The following FOS variants were observed in gnomAD, a reference collection of about 807,000 sequenced individuals.
FOS encodes the protein protein c-Fos.
A neutral mutation model predicts 27.2 loss-of-function variants in FOS; 9 were observed. The observed-to-expected ratio is 0.33, with a 90% CI of 0.20 to 0.58. The LOEUF is 0.58. Ranked by LOEUF, FOS falls within the 20% of genes least tolerant of loss-of-function variation. The pLI is 0.87. For missense variants in FOS, 405 were observed against 483.5 expected (o/e 0.84, Z 1.52); for synonymous variants, 213 against 205.1 (o/e 1.04, Z -0.33).
At position 75,279,859 on chromosome 14, in the gene FOS, C is replaced by T; in HGVS notation, c.142-18C>T. 1 of 1,570,978 alleles carries T rather than the reference C, an allele frequency of 6.4e-7. No individual in the cohort carries two copies. Among genetic ancestry groups the T allele is most frequent in the Non-Finnish European group, 8.7e-7 (1 of 1,153,850 alleles). ...ACCTGCTCGCTCACGTCGGCTTTCC[C>T]CTTCTGTTTTGTTCTAGGACTTCTG... On this transcript the variant is annotated intron_variant, in intron 1 of 3. Transcript: ENST00000303562. This position sits in a 1 kb window ranked among gnomAD's most constrained non-coding sequence, Gnocchi z 5.4.
chr14:75,279,478 C>A lies in FOS; in HGVS notation c.141+355C>A. On this transcript the variant is annotated intron_variant, in intron 1 of 3. Transcript: ENST00000303562. This position sits in a 1 kb window ranked among gnomAD's most constrained non-coding sequence, Gnocchi z 5.4. ...CAGAAAGCGGCAATCCCCCCTCCCCCGGCAGCCTGGAGCACGGAGGAGGGA... is the reference window on the plus strand; with the variant it reads ...CAGAAAGCGGCAATCCCCCCTCCCCAGGCAGCCTGGAGCACGGAGGAGGGA... 2.3e-6 allele frequency: 1 copy of A among 442,582 alleles called. No individual in the cohort carries two copies. Among genetic ancestry groups the A allele is most frequent in the Non-Finnish European group, 4.1e-6 (1 of 246,570 alleles). 27.4% of individuals were successfully genotyped at this position (442,582 alleles called of 1,614,324 possible). A position where few individuals can be genotyped will look rare whatever the true frequency, so the allele number is the denominator to read the frequency against.
rs892119373 is a variant in FOS, at chr14:75,279,254, G to C, written c.141+131G>C. On this transcript the variant is annotated intron_variant, in intron 1 of 3. Coordinates refer to ENST00000303562, the MANE Select transcript of FOS (RefSeq NM_005252.4). The surrounding 1 kb of genome is among the most constrained non-coding windows in gnomAD (Gnocchi z 5.4). ...GGAGGGAGGCTGCCGTGGCCGGAGC[G>C]GTGCCGGCTCGGGGGCTCGGGACTT... The C allele has an allele frequency of 7.9e-7, 1 of 1,262,728 alleles. No homozygotes were observed. Among genetic ancestry groups the C allele is most frequent in the Non-Finnish European group, 1.1e-6 (1 of 908,520 alleles). The allele number at this position is 1,262,728 out of a possible 1,614,324, so 78.2% of individuals were successfully genotyped here. A position where few individuals can be genotyped will look rare whatever the true frequency, so the allele number is the denominator to read the frequency against.
chr14:75,280,320 TAGTTTCTTCCCTA>T (rs1414105640), intron 2 of FOS, 192 bp downstream of exon 2: 3 of 753,506 alleles, frequency 4.0e-6, no homozygotes, highest in Non-Finnish European at 6.6e-6. Flanking sequence ...AGTACTCTCA[TAGTTTCTTCCCTA>T]AGTTTCTTAC....
In FOS at chr14:75,280,093, G is replaced by T. The variant is rs774924017; in HGVS notation, c.358G>T (p.Ala120Ser). 3.7e-6 allele frequency: 6 copies of T among 1,613,986 alleles called. No individual in the cohort carries two copies. The Admixed American group carries it at 8.3e-5, about 22-fold the overall frequency. The change falls in exon 2 of 4, where the codon GCG becomes TCG. Residue 120 changes from alanine (A) to serine (S), a missense_variant. Transcript: ENST00000303562. ...GVVKTMTGGRAQSIGRRGKVE... is the reference protein window; with the variant it reads ...GVVKTMTGGRSQSIGRRGKVE... ...TGTGAAGACCATGACAGGAGGCCGA[G>T]CGCAGAGCATTGGCAGGAGGGGCAA...
chr14:75,281,375 A>G lies in FOS; in HGVS notation c.1094A>G (p.Asn365Ser), dbSNP rs1566701002. The G allele has an allele frequency of 1.9e-6, 3 of 1,611,838 alleles. No homozygotes were observed. Among genetic ancestry groups the G allele is most frequent in the South Asian group, 1.1e-5 (1 of 91,090 alleles). ...GCCCACCGCAAGGGCAGCAGCAGCAATGAGCCTTCCTCTGACTCGCTCAGC... is the reference window on the plus strand; with the variant it reads ...GCCCACCGCAAGGGCAGCAGCAGCAGTGAGCCTTCCTCTGACTCGCTCAGC... ...AAAHRKGSSS[N>S]EPSSDSLSSP... Residue 365 changes from asparagine (N) to serine (S), a missense_variant, in exon 4 of 4, where the codon AAT (asparagine) becomes AGT (serine). Coordinates refer to ENST00000303562, the MANE Select transcript of FOS (RefSeq NM_005252.4). The surrounding 1 kb of genome is among the most constrained non-coding windows in gnomAD (Gnocchi z 4.7).
chr14:75,281,233 A>C lies in FOS; in HGVS notation c.952A>C (p.Thr318Pro). Residue 318 changes from threonine (T) to proline (P), a missense_variant, in exon 4 of 4, where the codon ACA becomes CCA. By Grantham distance (38) the Thr-to-Pro change is conservative (BLOSUM62 -1). Transcript: ENST00000303562. This position sits in a 1 kb window ranked among gnomAD's most constrained non-coding sequence, Gnocchi z 4.7. ...SGSLGMGPMATELEPLCTPVV... is the reference protein window; with the variant it reads ...SGSLGMGPMAPELEPLCTPVV... The stretch of plus-strand genomic sequence containing the variant: ...CTCCCTGGGGATGGGGCCCATGGCC[A>C]CAGAGCTGGAGCCCCTGTGCACTCC... The C allele has an allele frequency of 6.2e-7, 1 of 1,612,718 alleles. No homozygotes were observed. Among genetic ancestry groups the C allele is most frequent in the South Asian group, 1.1e-5 (1 of 91,088 alleles).
Position 75,281,019 on chromosome 14 carries a change from C to T in FOS, c.738C>T (p.Asp246=). ...EEAFTLPLLN[D]PEPKPSVEPV... is the part of the protein sequence containing the mutation. ...CCTTCACCCTGCCTCTCCTCAATGACCCTGAGCCCAAGCCCTCAGTGGAAC... is the reference window on the plus strand; with the variant it reads ...CCTTCACCCTGCCTCTCCTCAATGATCCTGAGCCCAAGCCCTCAGTGGAAC... The change falls in exon 4 of 4, where the codon GAC becomes GAT. Residue 246 remains aspartate (D), a synonymous_variant. Transcript: ENST00000303562. This position sits in a 1 kb window ranked among gnomAD's most constrained non-coding sequence, Gnocchi z 4.7. 1.2e-6 allele frequency: 2 copies of T among 1,614,024 alleles called. No individual in the cohort carries two copies. The highest frequency in any genetic ancestry group is 1.6e-4 in the Middle Eastern group (1 of 6,062).
At chr14:75,280,246 T>C (rs773774238) in intron 2 of FOS, 118 bp downstream of exon 2, 7 of 1,389,264 alleles carry the variant, frequency 5.0e-6, no homozygotes, top group Non-Finnish European at 7.1e-6. Context: ...TGCACATCCG[T>C]AACTGGGAGC....
rs1339651618 is a variant in FOS, at chr14:75,278,935, C to T, written c.-48C>T. On this transcript the variant is annotated 5_prime_UTR_variant, in exon 1 of 4. Transcript: ENST00000303562. The surrounding 1 kb of genome is among the most constrained non-coding windows in gnomAD (Gnocchi z 4.1). ...ACCCAGCTCTGCTCCACAGCGCCCACCTGTCTCCGCCCCTCGGCCCCTCGC... is the reference window on the plus strand; with the variant it reads ...ACCCAGCTCTGCTCCACAGCGCCCATCTGTCTCCGCCCCTCGGCCCCTCGC... 2 of 1,609,730 alleles carry T rather than the reference C, an allele frequency of 1.2e-6. No homozygotes were observed. Among genetic ancestry groups the T allele is most frequent in the Non-Finnish European group, 1.7e-6 (2 of 1,178,562 alleles).
intron 2 of FOS, 200 bp downstream of exon 2, chr14:75,280,328 T>TAG: frequency 1.4e-6 from 1 of 731,068 alleles, no homozygotes; most frequent in Non-Finnish European, 2.3e-6. Context: ...CATAGTTTCT[T>TAG]CCCTAAGTTT....
chr14:75,280,619 A>T lies in FOS; in HGVS notation c.453A>T (p.Ala151=), dbSNP rs376167971. The change falls in exon 3 of 4, where the codon GCA becomes GCT. Residue 151 remains alanine, a synonymous_variant. Transcript: ENST00000303562. Reference sequence around the variant, plus strand: ...GAAGGGAAAGGAATAAGATGGCTGCAGCCAAATGCCGCAACCGGAGGAGGG... The same window carrying T: ...GAAGGGAAAGGAATAAGATGGCTGCTGCCAAATGCCGCAACCGGAGGAGGG... ...RIRRERNKMA[A]AKCRNRRREL... is the part of the protein sequence containing the mutation. The T allele has an allele frequency of 9.4e-5, 152 of 1,614,076 alleles. No individual in the cohort carries two copies. Among genetic ancestry groups the T allele is most frequent in the Non-Finnish European group, 1.2e-4 (144 of 1,180,010 alleles).
chr14:75,279,069 C>T lies in FOS; in HGVS notation c.87C>T (p.Tyr29=), dbSNP rs1332061712. 2 of 1,613,636 alleles carry T rather than the reference C, an allele frequency of 1.2e-6. No homozygotes were observed. Among genetic ancestry groups the T allele is most frequent in the African/African-American group, 1.3e-5 (1 of 74,934 alleles). ...SASPAGDSLS[Y]YHSPADSFSS... Reference sequence around the variant, plus strand: ...CCCCGGCCGGGGATAGCCTCTCTTACTACCACTCACCCGCAGACTCCTTCT... The same window carrying T: ...CCCCGGCCGGGGATAGCCTCTCTTATTACCACTCACCCGCAGACTCCTTCT... Residue 29 remains tyrosine (Y), a synonymous_variant, in exon 1 of 4, where the codon TAC becomes TAT. Coordinates refer to ENST00000303562, the MANE Select transcript of FOS (RefSeq NM_005252.4). The surrounding 1 kb of genome is among the most constrained non-coding windows in gnomAD (Gnocchi z 5.4).
chr14:75,279,831 G>T lies in FOS; in HGVS notation c.142-46G>T. ...CTGGGAACTCGCCCCACCTGTGTCC[G>T]GAACCTGCTCGCTCACGTCGGCTTT... On this transcript the variant is annotated intron_variant, in intron 1 of 3. Transcript: ENST00000303562. This position sits in a 1 kb window ranked among gnomAD's most constrained non-coding sequence, Gnocchi z 5.4. The T allele has an allele frequency of 6.5e-7, 1 of 1,548,464 alleles. No individual in the cohort carries two copies. The highest frequency in any genetic ancestry group is 8.7e-7 in the Non-Finnish European group (1 of 1,143,716).
At position 75,281,256 on chromosome 14, in the gene FOS, T is replaced by G. The variant is rs765621748; in HGVS notation, c.975T>G (p.Thr325=). The change falls in exon 4 of 4, where the codon ACT becomes ACG. Residue 325 remains threonine (T), a synonymous_variant. Coordinates refer to ENST00000303562, the MANE Select transcript of FOS (RefSeq NM_005252.4). The surrounding 1 kb of genome is among the most constrained non-coding windows in gnomAD (Gnocchi z 4.7). ...PMATELEPLC[T]PVVTCTPSCT... ...CCACAGAGCTGGAGCCCCTGTGCAC[T>G]CCGGTGGTCACCTGTACTCCCAGCT... 9 of 1,612,092 alleles carry G rather than the reference T, an allele frequency of 5.6e-6. No homozygotes were observed. In the Admixed American group the frequency reaches 1.3e-4, roughly 24 times the overall value.
rs1063169 is a variant in FOS, at chr14:75,280,415, G to T, written c.394-145G>T. Reference sequence around the variant, plus strand: ...TTATTTTAAATGCAAGTCACACCTAGTCTGCAACTGCAGGTCAGAAATGGT... The same window carrying T: ...TTATTTTAAATGCAAGTCACACCTATTCTGCAACTGCAGGTCAGAAATGGT... On this transcript the variant is annotated intron_variant, in intron 2 of 3. Transcript: ENST00000303562. The T allele has an allele frequency of 0.15, 105,160 of 709,386 alleles. 8,808 individuals are homozygous for T. Among genetic ancestry groups the T allele is most frequent in the East Asian group, 0.25 (9,286 of 36,996 alleles). 43.9% of individuals were successfully genotyped at this position (709,386 alleles called of 1,614,324 possible).
In FOS at chr14:75,281,319, C is replaced by T. The variant is rs200095017; in HGVS notation, c.1038C>T (p.Pro346=). Residue 346 remains proline (P), a synonymous_variant, in exon 4 of 4, where the codon CCC becomes CCT. Transcript: ENST00000303562. The surrounding 1 kb of genome is among the most constrained non-coding windows in gnomAD (Gnocchi z 4.7). ...AYTSSFVFTY[P]EADSFPSCAA... is the part of the protein sequence containing the mutation. ...CGTCTTCCTTCGTCTTCACCTACCC[C>T]GAGGCTGACTCCTTCCCCAGCTGTG... The T allele has an allele frequency of 1.9e-5, 31 of 1,609,602 alleles. No homozygotes were observed. The highest frequency in any genetic ancestry group is 1.0e-4 in the Admixed American group (6 of 60,004).
chr14:75,280,372 G>A, intron 2 of FOS, 188 bp from the exon 3 acceptor site: 1 of 681,604 alleles, frequency 1.5e-6, no homozygotes, highest in Non-Finnish European at 2.5e-6. Context: ...GCTCTTCTTT[G>A]TTCTCTTGCT....
chr14:75,281,157 G>T lies in FOS; in HGVS notation c.876G>T (p.Met292Ile). The change falls in exon 4 of 4, where the codon ATG becomes ATT. Residue 292 changes from methionine to isoleucine, a missense_variant. Physicochemically the swap from Met to Ile is conservative, Grantham distance 10. Transcript: ENST00000303562. This position sits in a 1 kb window ranked among gnomAD's most constrained non-coding sequence, Gnocchi z 4.7. ...AGACAGCCCGCTCCGTGCCAGACAT[G>T]GACCTATCTGGGTCCTTCTATGCAG... ...GSETARSVPD[M>I]DLSGSFYAAD... is the part of the protein sequence containing the mutation. 6.2e-7 allele frequency: 1 copy of T among 1,610,966 alleles called. No individual in the cohort carries two copies.
chr14:75,281,516 G>T lies in FOS; in HGVS notation c.*92G>T. 7.2e-7 allele frequency: 1 copy of T among 1,382,492 alleles called. No individual in the cohort carries two copies. The highest frequency in any genetic ancestry group is 9.8e-7 in the Non-Finnish European group (1 of 1,022,148). 85.6% of individuals were successfully genotyped at this position (1,382,492 alleles called of 1,614,324 possible). A position where few individuals can be genotyped will look rare whatever the true frequency, so the allele number is the denominator to read the frequency against. Reference sequence around the variant, plus strand: ...AGGAGAAACACATCTTCCCTAGAGGGTTCCTGTAGACCTAGGGAGGACCTT... The same window carrying T: ...AGGAGAAACACATCTTCCCTAGAGGTTTCCTGTAGACCTAGGGAGGACCTT... On this transcript the variant is annotated 3_prime_UTR_variant, in exon 4 of 4. Coordinates refer to ENST00000303562, the MANE Select transcript of FOS (RefSeq NM_005252.4). This position sits in a 1 kb window ranked among gnomAD's most constrained non-coding sequence, Gnocchi z 4.7.
Sources: allele counts gnomAD v4.1 joint callset, GRCh38; gene constraint gnomAD v4.1.1; non-coding constraint Gnocchi (gnomAD v3.1); transcripts MANE v1.5; gene names NCBI Gene and HGNC (gene_info 2026-07-23, HGNC 2026-07-21).